Variants in GRIP2 observed in about 807,000 individuals in gnomAD.
GRIP2 encodes the protein glutamate receptor-interacting protein 2.
A neutral mutation model predicts 108.3 loss-of-function variants in GRIP2; 58 were observed. The observed-to-expected ratio is 0.54, with a 90% CI of 0.43 to 0.67. GRIP2 has a LOEUF of 0.67. Among genes scored for constraint, GRIP2 ranks in the 30% least tolerant of loss-of-function variants. The pLI, the probability that GRIP2 is intolerant of heterozygous loss-of-function variation, is 0.00. For synonymous variants in GRIP2, 586 were observed against 598.2 expected (o/e 0.98, Z 0.30); for missense variants, 1,278 against 1,430.6 (o/e 0.89, Z 1.72).
At chr3:14,558,946 GA>G (rs1695279021), upstream of GRIP2, among the ~76,000 whole-genome samples, 1 of 152,216 alleles carries the variant, frequency 6.6e-6, no homozygotes, top group Non-Finnish European at 1.5e-5. Context: ...GTCAAATGAA[GA>G]AGGGGAGCTC....
chr3:14,545,432 G>A (rs1207676636), upstream of GRIP2, among the ~76,000 whole-genome samples: 3 of 152,200 alleles, frequency 2.0e-5, no homozygotes, highest in Non-Finnish European at 2.9e-5. Flanking sequence ...GAGTCAGGAG[G>A]GCCAACGCAG....
At chr3:14,596,322 G>A in the GRIP2 span, among the ~76,000 whole-genome samples, 2 of 152,218 alleles carry the variant, frequency 1.3e-5, no homozygotes, top group Non-Finnish European at 2.9e-5. Context: ...TCAAAAGGGA[G>A]TGCGTTTGAC....
chr3:14,534,933 G>A lies in GRIP2; in HGVS notation c.40+5336C>T, dbSNP rs569177051. On this transcript the variant is annotated intron_variant, in intron 1 of 23. Coordinates refer to ENST00000621039, the MANE Select transcript of GRIP2 (RefSeq NM_001080423.4). ...CCTAAGCGGGTGGCTGGAAAGAAGC[G>A]TGGGGGAGTGGGTGGGACTATAAAG... Among the ~76,000 whole-genome samples, 4 of 152,292 alleles carry A rather than the reference G, an allele frequency of 2.6e-5. No individual in the cohort carries two copies. The East Asian group carries it at 5.8e-4, about 22-fold the overall frequency.
At chr3:14,536,212 C>A (rs1358007752) in intron 1 of GRIP2, among the ~76,000 whole-genome samples, 1 of 152,218 alleles carries the variant, frequency 6.6e-6, no homozygotes, top group East Asian at 1.9e-4. Flanking sequence ...CTGGGCCAGG[C>A]CTGCTCTAAG....
At chr3:14,601,550 T>C in the GRIP2 span, among the ~76,000 whole-genome samples, 1 of 152,220 alleles carries the variant, frequency 6.6e-6, no homozygotes, top group Non-Finnish European at 1.5e-5. Flanking sequence ...GTGGAGGGTC[T>C]GCTCCCTCGC....
the GRIP2 span, among the ~76,000 whole-genome samples, chr3:14,570,574 A>G: frequency 6.6e-6 from 1 of 152,282 alleles, no homozygotes; most frequent in African/African-American, 2.4e-5. Context: ...CAATGGTTAA[A>G]AACTATTACA....
chr3:14,553,401 G>A (rs79103787), intron 1 of GRIP2, among the ~76,000 whole-genome samples: 3 of 152,146 alleles, frequency 2.0e-5, no homozygotes, highest in Non-Finnish European at 2.9e-5. Context: ...ATAAGCCACC[G>A]TGCCTGGCCA....
At position 14,491,742 on chromosome 3, in the gene GRIP2, C is replaced by T. The variant is rs1701342191; in HGVS notation, c.*1923G>A. On this transcript the variant is annotated 3_prime_UTR_variant, in exon 24 of 24. Transcript: ENST00000621039. The stretch of plus-strand genomic sequence containing the variant: ...TGTCCTGTCCAGCCCTGTTGCTTAG[C>T]AGAGGTCCAGAGAGGCTGAGCCACC... The T allele has an allele frequency of 1.3e-5, 2 of 152,336 alleles. No homozygotes were observed. The highest frequency in any genetic ancestry group is 4.8e-5 in the African/African-American group (2 of 41,458). The allele number at this position is 152,336 out of a possible 1,614,324, so 9.4% of individuals were successfully genotyped here.
intron 22 of GRIP2, 68 bp downstream of exon 22, chr3:14,496,349 G>T: frequency 7.2e-7 from 1 of 1,396,774 alleles, no homozygotes; most frequent in Non-Finnish European, 9.7e-7. Flanking sequence ...CCCCTCTGGA[G>T]TCCCACGACA....
Position 14,523,483 on chromosome 3 carries a change from G to C in GRIP2, c.490+129C>G, listed in dbSNP as rs1694468389. On this transcript the variant is annotated intron_variant, in intron 5 of 23. Coordinates refer to ENST00000621039, the MANE Select transcript of GRIP2 (RefSeq NM_001080423.4). ...TTTCCCACTGAATACTTACCTTAAC[G>C]GTCCTGTGTTCTTCAAAGTCAGAAC... The C allele has an allele frequency of 5.9e-6, 4 of 678,960 alleles. No individual in the cohort carries two copies. In the East Asian group the frequency reaches 8.2e-5, roughly 14 times the overall value. The allele number at this position is 678,960 out of a possible 1,614,324, so 42.1% of individuals were successfully genotyped here. A position where few individuals can be genotyped will look rare whatever the true frequency, so the allele number is the denominator to read the frequency against.
the GRIP2 span, among the ~76,000 whole-genome samples, chr3:14,584,739 G>T: frequency 6.6e-6 from 1 of 152,182 alleles, no homozygotes; most frequent in Admixed American, 6.5e-5. Flanking sequence ...CTGCCTCTCA[G>T]ACGGCAGAGA....
chr3:14,573,376 G>A, the GRIP2 span: 133 of 1,328,992 alleles, frequency 1.0e-4, no homozygotes, highest in Non-Finnish European at 1.2e-4. Flanking sequence ...TCCAGGTCCC[G>A]CGGGATGGTC....
At chr3:14,500,953 C>G (rs1432268714) in intron 21 of GRIP2, among the ~76,000 whole-genome samples, 1 of 152,106 alleles carries the variant, frequency 6.6e-6, no homozygotes. Context: ...AAAGGTATTG[C>G]TTACACTTGT....
chr3:14,500,811 G>T (rs1574990756), intron 21 of GRIP2, among the ~76,000 whole-genome samples: 1 of 152,194 alleles, frequency 6.6e-6, no homozygotes, highest in East Asian at 1.9e-4. Flanking sequence ...AACAGAAATT[G>T]GTCAAATATT....
intron 21 of GRIP2, among the ~76,000 whole-genome samples, chr3:14,497,397 C>T (rs542604565): frequency 1.2e-3 from 181 of 152,284 alleles, no homozygotes; most frequent in African/African-American, 3.7e-3. Flanking sequence ...AGGTGGCCCT[C>T]GTCCTGTGAG....
chr3:14,506,988 G>A lies in GRIP2; in HGVS notation c.2219-8C>T. On this transcript the variant is annotated splice_polypyrimidine_tract_variant and splice_region_variant and intron_variant, in intron 18 of 23. Coordinates refer to ENST00000621039, the MANE Select transcript of GRIP2 (RefSeq NM_001080423.4). The stretch of plus-strand genomic sequence containing the variant: ...TGCGGGGTAGGAGGGGACCTGGGAG[G>A]AGAGAGGGGTGTCAATTCTGACTTC... The A allele has an allele frequency of 1.3e-6, 2 of 1,586,266 alleles. No homozygotes were observed. The highest frequency in any genetic ancestry group is 1.7e-6 in the Non-Finnish European group (2 of 1,165,268).
the GRIP2 span, among the ~76,000 whole-genome samples, chr3:14,597,437 C>T: frequency 9.2e-5 from 14 of 152,252 alleles, no homozygotes; most frequent in Non-Finnish European, 1.8e-4. Context: ...GGGGAATTCT[C>T]GTTTCCTTCC....
intron 11 of GRIP2, among the ~76,000 whole-genome samples, chr3:14,515,292 A>G (rs1044590499): frequency 4.6e-5 from 7 of 152,202 alleles, no homozygotes; most frequent in African/African-American, 7.2e-5. Flanking sequence ...TAATGCTACT[A>G]TGAACATTTG....
the GRIP2 span, among the ~76,000 whole-genome samples, chr3:14,596,648 C>T: frequency 1.3e-5 from 2 of 152,104 alleles, no homozygotes; most frequent in African/African-American, 4.8e-5. Flanking sequence ...TATATGAGCA[C>T]TTAACATAAA....
Sources: allele counts gnomAD v4.1 joint callset (sites outside exome capture counted in the v4.1 genomes callset), GRCh38; gene constraint gnomAD v4.1.1; transcripts MANE v1.5; gene names NCBI Gene and HGNC (gene_info 2026-07-23, HGNC 2026-07-21).